COL16A1: variants seen among roughly 807,000 people sequenced by gnomAD.
COL16A1 encodes the protein collagen alpha-1(XVI) chain.
A neutral mutation model predicts 266.3 loss-of-function variants in COL16A1; 189 were observed. The ratio of observed to expected loss-of-function variants is 0.71; its 90% CI spans 0.63 to 0.80. The LOEUF (loss-of-function observed/expected upper bound fraction) is 0.80. Ranked by LOEUF, COL16A1 falls within the 30% of genes least tolerant of loss-of-function variation. The probability of loss-of-function intolerance (pLI) is 0.00; values close to 1 mark genes in which losing one functional copy is unlikely to be tolerated. For synonymous variants in COL16A1, 740 were observed against 782.3 expected (o/e 0.95, Z 0.90); for missense variants, 1,928 against 2,122.4 (o/e 0.91, Z 1.80).
At chr1:31,695,102 C>T (rs974421128) in intron 11 of COL16A1, 84 bp downstream of exon 11, 3 of 1,453,830 alleles carry the variant, frequency 2.1e-6, no homozygotes, top group South Asian at 1.2e-5. Flanking sequence ...CTTGTCCTCA[C>T]CCAGGAGGCT....
rs998337040 is a variant in COL16A1, at chr1:31,668,866, A to G, written c.3196-11T>C. On this transcript the variant is annotated splice_polypyrimidine_tract_variant and intron_variant, in intron 49 of 70. Coordinates refer to ENST00000373672, the MANE Select transcript of COL16A1 (RefSeq NM_001856.4). The surrounding 1 kb of genome is among the most constrained non-coding windows in gnomAD (Gnocchi z 5.8). ...CTCTCCTTGAAGGCCCTTGGAGAGAAAAATCATGAGAAACTGCAGGAGCCG... is the reference window on the plus strand; with the variant it reads ...CTCTCCTTGAAGGCCCTTGGAGAGAGAAATCATGAGAAACTGCAGGAGCCG... The G allele has an allele frequency of 1.2e-6, 2 of 1,612,930 alleles. No homozygotes were observed. The highest frequency in any genetic ancestry group is 1.7e-6 in the Non-Finnish European group (2 of 1,179,488).
At chr1:31,702,341 G>A in intron 1 of COL16A1, 114 bp from the exon 2 acceptor site, 1 of 1,092,268 alleles carries the variant, frequency 9.2e-7, no homozygotes, top group Non-Finnish European at 1.3e-6. Context: ...GGGGTGGCAG[G>A]AGGTCTGGCC....
Position 31,684,597 on chromosome 1 carries a change from G to C in COL16A1, c.2086C>G (p.Pro696Ala), listed in dbSNP as rs377043093. The part of the protein sequence containing the change: ...DAGNPGDPGT[P>A]GTTGRPGLSG... Reference sequence around the variant, plus strand: ...AGTCCTGGCCGCCCTGTGGTGCCCGGCGTTCCAGGGTCTCCAGGATTCCCA... The same window carrying C: ...AGTCCTGGCCGCCCTGTGGTGCCCGCCGTTCCAGGGTCTCCAGGATTCCCA... Residue 696 changes from proline (P) to alanine (A), a missense_variant, in exon 31 of 71, where the codon CCG (proline) becomes GCG (alanine). This residue lies in a region of COL16A1 where 1,552 missense variants were observed against 1,637.2 expected (regional missense o/e 0.95). Transcript: ENST00000373672. The C allele has an allele frequency of 9.9e-6, 16 of 1,613,788 alleles. No individual in the cohort carries two copies. Among genetic ancestry groups the C allele is most frequent in the Middle Eastern group, 1.6e-4 (1 of 6,082 alleles).
Position 31,652,518 on chromosome 1 carries a change from A to G in COL16A1, c.*133T>C. 1 of 1,096,482 alleles carries G rather than the reference A, an allele frequency of 9.1e-7. No individual in the cohort carries two copies. Among genetic ancestry groups the G allele is most frequent in the Non-Finnish European group, 1.2e-6 (1 of 822,830 alleles). The allele number at this position is 1,096,482 out of a possible 1,614,324, so 67.9% of individuals were successfully genotyped here. On this transcript the variant is annotated 3_prime_UTR_variant, in exon 71 of 71. Coordinates refer to ENST00000373672, the MANE Select transcript of COL16A1 (RefSeq NM_001856.4). The surrounding 1 kb of genome is among the most constrained non-coding windows in gnomAD (Gnocchi z 4.8). ...GGGCAGATAGTTTTGTTTCTTTATT[A>G]TTTAAAAAATATTAACAGCAATTAA...
rs191560557 is a variant in COL16A1 at position 31,658,270 on chromosome 1, G to A, written c.4020+218C>T. ...TGCAGAAGGTTGATGCTGAGGCACC[G>A]TCATGGGCAGTGACCTCATGTGCAG... On this transcript the variant is annotated intron_variant, in intron 64 of 70. Transcript: ENST00000373672. Among the ~76,000 whole-genome samples, 10 of 152,356 alleles carry A rather than the reference G, an allele frequency of 6.6e-5. No individual in the cohort carries two copies. In the East Asian group the frequency reaches 1.5e-3, roughly 24 times the overall value.
At chr1:31,696,262 C>A in intron 8 of COL16A1, 121 bp from the exon 9 acceptor site, 1 of 821,214 alleles carries the variant, frequency 1.2e-6, no homozygotes, top group East Asian at 2.6e-5. Context: ...GCATCTGGCA[C>A]CTCCTGGGGC....
In COL16A1 at chr1:31,688,674, T is replaced by C; in HGVS notation, c.1768-172A>G. The C allele has an allele frequency of 8.8e-7, 1 of 1,135,270 alleles. No individual in the cohort carries two copies. The highest frequency in any genetic ancestry group is 1.3e-6 in the Non-Finnish European group (1 of 772,816). The allele number at this position is 1,135,270 out of a possible 1,614,324, so 70.3% of individuals were successfully genotyped here. ...TGAAGCTAGAGGTGCTAAGAGGAAG[T>C]TCCAGGGCAAGGAGCCTGGGGCAGC... is the stretch of plus-strand genomic sequence containing the variant. On this transcript the variant is annotated intron_variant, in intron 25 of 70. Transcript: ENST00000373672. The surrounding 1 kb of genome is among the most constrained non-coding windows in gnomAD (Gnocchi z 4.9).
Position 31,672,622 on chromosome 1 carries a change from C to A in COL16A1, c.2992G>T (p.Glu998Ter). The change falls in exon 46 of 71, where the codon GAG becomes TAG. Residue 998 changes from glutamate to a stop codon, truncating the protein, a stop_gained. Coordinates refer to ENST00000373672, the MANE Select transcript of COL16A1 (RefSeq NM_001856.4). LOFTEE classifies it high-confidence loss of function. ...DNCAQCFLSL[E>*]RPRAEEARGD... ...CGGGCCTCCTCGGCTCTTGGGCGCTCCAGTGACAAAAAGCACTGCAAGGGA... is the reference window on the plus strand; with the variant it reads ...CGGGCCTCCTCGGCTCTTGGGCGCTACAGTGACAAAAAGCACTGCAAGGGA... 1 of 1,604,526 alleles carries A rather than the reference C, an allele frequency of 6.2e-7. No individual in the cohort carries two copies. The highest frequency in any genetic ancestry group is 1.7e-4 in the Middle Eastern group (1 of 6,000).
At chr1:31,689,536 G>A (rs1644157615) in intron 23 of COL16A1, 1 of 599,514 alleles carries the variant, frequency 1.7e-6, no homozygotes, top group African/African-American at 1.9e-5. Flanking sequence ...AGGTTGCCAT[G>A]GAGACCGGAG....
chr1:31,682,069 C>T (rs2148760769), intron 37 of COL16A1, among the ~76,000 whole-genome samples: 1 of 152,328 alleles, frequency 6.6e-6, no homozygotes, highest in Middle Eastern at 3.4e-3. Flanking sequence ...CATTTGCCCA[C>T]CGCCTGGCAT....
rs760345260 is a variant in COL16A1, at chr1:31,691,271, C to T, written c.1399-45G>A. ...CACGTGGAAGTTTCCAGGGACCACT[C>T]GCTACAGCGAGATCTTCTACCCTCA... is the stretch of plus-strand genomic sequence containing the variant. On this transcript the variant is annotated intron_variant, in intron 19 of 70. Transcript: ENST00000373672. 47 of 1,609,008 alleles carry T rather than the reference C, an allele frequency of 2.9e-5. No individual in the cohort carries two copies. In the Admixed American group the frequency reaches 5.4e-4, roughly 18 times the overall value.
chr1:31,678,577 G>C (rs1345803239), intron 42 of COL16A1, among the ~76,000 whole-genome samples: 1 of 152,138 alleles, frequency 6.6e-6, no homozygotes, highest in Admixed American at 6.5e-5. Context: ...TTTATGTAAG[G>C]CTCAAATGAA....
intron 62 of COL16A1, among the ~76,000 whole-genome samples, chr1:31,659,305 T>C (rs1641440007): frequency 6.6e-6 from 1 of 152,144 alleles, no homozygotes; most frequent in South Asian, 2.1e-4. Flanking sequence ...ACTGAGACCC[T>C]TGCTTCCCTA....
chr1:31,682,084 C>A (rs566444118), intron 37 of COL16A1, among the ~76,000 whole-genome samples: 1 of 152,212 alleles, frequency 6.6e-6, no homozygotes, highest in Non-Finnish European at 1.5e-5. Context: ...TGGCATGGAA[C>A]AGACTGGCTG....
Position 31,683,260 on chromosome 1 carries a change from GCA to G in COL16A1, c.2416-15_2416-14del. 6.2e-7 allele frequency: 1 copy of G among 1,614,192 alleles called. No individual in the cohort carries two copies. Among genetic ancestry groups the G allele is most frequent in the Non-Finnish European group, 8.5e-7 (1 of 1,180,036 alleles). ...GTCCCGGAAGTCCCTGCAGATGGAA[GCA>G]CAGTTAGTTAACCCATATCCTAGAA... On this transcript the variant is annotated splice_polypyrimidine_tract_variant and intron_variant, in intron 35 of 70. Coordinates refer to ENST00000373672, the MANE Select transcript of COL16A1 (RefSeq NM_001856.4).
At chr1:31,700,480 A>T (rs1163971625) in intron 2 of COL16A1, among the ~76,000 whole-genome samples, 1 of 152,236 alleles carries the variant, frequency 6.6e-6, no homozygotes, top group Non-Finnish European at 1.5e-5. Context: ...GCACAGATGG[A>T]GTGGGGAGCT....
chr1:31,676,238 T>G (rs1361554719), intron 42 of COL16A1, among the ~76,000 whole-genome samples: 2 of 149,000 alleles, frequency 1.3e-5, no homozygotes, highest in African/African-American at 2.5e-5. Flanking sequence ...GACAGGAGAA[T>G]CACTTGAACC....
At position 31,688,212 on chromosome 1, in the gene COL16A1, T is replaced by A. The variant is rs1644087020; in HGVS notation, c.1803+255A>T. Among the ~76,000 whole-genome samples, 1 of 152,198 alleles carries A rather than the reference T, an allele frequency of 6.6e-6. No homozygotes were observed. Among genetic ancestry groups the A allele is most frequent in the Non-Finnish European group, 1.5e-5 (1 of 68,038 alleles). Reference sequence around the variant, plus strand: ...GAAGTGTTACATATTATAAATATAATAAGGTAATCTTGAATGTGCTTAATA... The same window carrying A: ...GAAGTGTTACATATTATAAATATAAAAAGGTAATCTTGAATGTGCTTAATA... On this transcript the variant is annotated intron_variant, in intron 26 of 70. Transcript: ENST00000373672. This position sits in a 1 kb window ranked among gnomAD's most constrained non-coding sequence, Gnocchi z 4.9.
chr1:31,683,466 T>C (rs1252557995), intron 34 of COL16A1, 97 bp from the exon 35 acceptor site: 19 of 1,603,796 alleles, frequency 1.2e-5, no homozygotes, highest in Non-Finnish European at 1.4e-5. Context: ...GTGGGGTATC[T>C]GCCAGCCCAA....
Sources: allele counts gnomAD v4.1 joint callset (sites outside exome capture counted in the v4.1 genomes callset), GRCh38; gene constraint gnomAD v4.1.1; regional missense constraint gnomAD v4.1.1; non-coding constraint Gnocchi (gnomAD v3.1); transcripts MANE v1.5; gene names NCBI Gene and HGNC (gene_info 2026-07-23, HGNC 2026-07-21).